Variants in TENM2 observed in about 807,000 individuals in gnomAD.
TENM2 encodes the protein teneurin-2.
Under a neutral mutation model 245.2 loss-of-function variants are expected in TENM2, and 52 were observed. The ratio of observed to expected loss-of-function variants is 0.21; its 90% CI spans 0.17 to 0.27. TENM2 has a LOEUF of 0.27. TENM2 is among the 10% of genes least tolerant of loss of function. TENM2 has a pLI of 1.00. For missense variants in TENM2, 3,046 were observed against 3,666.8 expected (o/e 0.83, Z 4.37); for synonymous variants, 1,363 against 1,438.9 (o/e 0.95, Z 1.19).
At chr5:168,229,431 A>G (rs985514742) in intron 25 of TENM2, among the ~76,000 whole-genome samples, 8 of 152,228 alleles carry the variant, frequency 5.3e-5, no homozygotes, top group Admixed American at 4.6e-4. Flanking sequence ...GGGGAGGGGG[A>G]ATGTAATGGC....
rs1874460 is a variant in TENM2 at position 168,198,766 on chromosome 5, G to A, written c.2901-87G>A. 4.8e-3 allele frequency: 7,243 copies of A among 1,499,000 alleles called. 214 individuals carry two copies. In the African/African-American group the frequency reaches 0.077, roughly 16 times the overall value. 92.9% of individuals were successfully genotyped at this position (1,499,000 alleles called of 1,614,324 possible). A position where few individuals can be genotyped will look rare whatever the true frequency, so the allele number is the denominator to read the frequency against. ...TGGTCTCCTCTGTGCTCTGCCCATC[G>A]CATGGCCATCAGGGGAGGAGGAGAG... On this transcript the variant is annotated intron_variant, in intron 15 of 28. Coordinates refer to ENST00000518659, the Ensembl canonical transcript of TENM2.
chr5:166,996,021 A>T, the TENM2 span, among the ~76,000 whole-genome samples: 8 of 151,986 alleles, frequency 5.3e-5, no homozygotes, highest in African/African-American at 1.9e-4. Flanking sequence ...AAAATTTGCT[A>T]TACCAGTGAC....
chr5:167,374,830 A>T lies in TENM2; in HGVS notation c.227-368A>T, dbSNP rs540524737. Among the ~76,000 whole-genome samples, 8 of 152,292 alleles carry T rather than the reference A, an allele frequency of 5.3e-5. No homozygotes were observed. The South Asian group carries it at 1.5e-3, about 28-fold the overall frequency. The stretch of plus-strand genomic sequence containing the variant: ...CTTCATAAAGTTGCAAAACATTAAA[A>T]AATATAAAAGTTGCAAAGTAAAATG... On this transcript the variant is annotated intron_variant, in intron 1 of 28. Transcript: ENST00000518659.
chr5:167,782,313 CA>C (rs767675565), intron 2 of TENM2, among the ~76,000 whole-genome samples: 1,703 of 58,698 alleles, frequency 0.029, 4 homozygotes, highest in Non-Finnish European at 0.036. Context: ...AACTCTGTCT[CA>C]AAAAAAAAAA....
the TENM2 span, among the ~76,000 whole-genome samples, chr5:167,197,103 T>C: frequency 6.6e-6 from 1 of 152,236 alleles, no homozygotes; most frequent in South Asian, 2.1e-4. Context: ...TGCTTCATTT[T>C]ATACTGTTCT....
At chr5:168,245,156 G>A (rs932071193) in intron 26 of TENM2, among the ~76,000 whole-genome samples, 2 of 145,218 alleles carry the variant, frequency 1.4e-5, no homozygotes, top group South Asian at 4.3e-4. Flanking sequence ...CTTCCCTCCT[G>A]CTCCCACCCT....
chr5:167,415,854 C>G (rs1378392159), intron 2 of TENM2, among the ~76,000 whole-genome samples: 1 of 152,086 alleles, frequency 6.6e-6, no homozygotes, highest in Non-Finnish European at 1.5e-5. Flanking sequence ...GCTAGGGCCC[C>G]TTGCATCCAT....
intron 2 of TENM2, among the ~76,000 whole-genome samples, chr5:167,541,327 T>C (rs1475019194): frequency 6.6e-6 from 1 of 152,200 alleles, no homozygotes; most frequent in Non-Finnish European, 1.5e-5. Flanking sequence ...TACACACATA[T>C]TAAATTTATT....
At chr5:167,682,195 C>A (rs1021768191) in intron 2 of TENM2, among the ~76,000 whole-genome samples, 2 of 145,612 alleles carry the variant, frequency 1.4e-5, no homozygotes, top group Middle Eastern at 6.9e-3. Flanking sequence ...CTTTCTTTTG[C>A]TCTGTTGCCC....
At chr5:167,344,792 C>G (rs1171428870) in intron 1 of TENM2, among the ~76,000 whole-genome samples, 3 of 152,054 alleles carry the variant, frequency 2.0e-5, no homozygotes, top group Non-Finnish European at 2.9e-5. Context: ...CATAACTGCT[C>G]TTTAATTTCT....
At chr5:167,084,364 T>TATAC in the TENM2 span, among the ~76,000 whole-genome samples, 1 of 111,152 alleles carries the variant, frequency 9.0e-6, no homozygotes, top group South Asian at 2.6e-4. Flanking sequence ...TATATATATA[T>TATAC]ATACAGATCA....
chr5:168,147,488 A>G (rs1301449628), intron 12 of TENM2, among the ~76,000 whole-genome samples: 3 of 152,196 alleles, frequency 2.0e-5, no homozygotes, highest in African/African-American at 2.4e-5. Flanking sequence ...TACTTATCCT[A>G]TACCTATGAC....
chr5:167,673,225 C>T (rs140515895), intron 2 of TENM2, among the ~76,000 whole-genome samples: 12 of 151,904 alleles, frequency 7.9e-5, no homozygotes, highest in East Asian at 1.9e-4. Flanking sequence ...AGGTTTGGGG[C>T]GATGGAAAAT....
At chr5:167,184,920 TAAG>T in the TENM2 span, among the ~76,000 whole-genome samples, 1 of 152,188 alleles carries the variant, frequency 6.6e-6, no homozygotes, top group African/African-American at 2.4e-5. Flanking sequence ...GGTTTTCTCA[TAAG>T]GAGCACACAA....
the TENM2 span, among the ~76,000 whole-genome samples, chr5:167,066,278 G>A: frequency 6.6e-6 from 1 of 152,014 alleles, no homozygotes; most frequent in Non-Finnish European, 1.5e-5. Flanking sequence ...TCAGTTAAGG[G>A]GAGCCAGCTT....
intron 4 of TENM2, among the ~76,000 whole-genome samples, chr5:167,957,106 CTT>C (rs1044471864): frequency 6.9e-6 from 1 of 145,648 alleles, no homozygotes. Flanking sequence ...TGGTTCTGGG[CTT>C]TTTTTTTTGT....
At chr5:167,488,544 A>G (rs1461705215) in intron 2 of TENM2, among the ~76,000 whole-genome samples, 2 of 152,084 alleles carry the variant, frequency 1.3e-5, no homozygotes, top group Non-Finnish European at 2.9e-5. Flanking sequence ...CTCATTAACT[A>G]CTGTTCTTCA....
At chr5:167,223,398 G>C in the TENM2 span, among the ~76,000 whole-genome samples, 1 of 151,260 alleles carries the variant, frequency 6.6e-6, no homozygotes, top group Non-Finnish European at 1.5e-5. Flanking sequence ...AATTCCATGT[G>C]ATCAACTTTT....
intron 5 of TENM2, among the ~76,000 whole-genome samples, chr5:168,007,136 T>C (rs1207282527): frequency 6.6e-6 from 1 of 152,064 alleles, no homozygotes; most frequent in East Asian, 1.9e-4. Flanking sequence ...TTCTTTCTTT[T>C]TTTTTTTTGA....
Sources: gnomAD v4.1 joint callset for allele counts (sites outside exome capture counted in the v4.1 genomes callset) on GRCh38, gnomAD v4.1.1 for gene constraint, MANE v1.5 for transcripts, NCBI Gene and HGNC (gene_info 2026-07-23, HGNC 2026-07-21) for gene names.